STK32B: variants seen among roughly 807,000 people sequenced by gnomAD.
The protein encoded by STK32B is serine/threonine-protein kinase 32B.
Under a neutral mutation model 52.6 loss-of-function variants are expected in STK32B, and 43 were observed. The ratio of observed to expected loss-of-function variants is 0.82; its 90% confidence interval spans 0.64 to 1.05. The LOEUF is 1.05. Among genes scored for constraint, STK32B ranks in the 50% least tolerant of loss-of-function variants. The pLI is 0.00. For synonymous variants in STK32B, 238 were observed against 204.3 expected, an observed-to-expected ratio of 1.17 and a Z score of -1.41; for missense variants, 621 against 534.6, an observed-to-expected ratio of 1.16 and a Z score of -1.59.
upstream of STK32B, among the ~76,000 whole-genome samples, chr4:5,050,653 G>A (rs943713142): frequency 7.9e-5 from 12 of 152,138 alleles, no homozygotes; most frequent in Non-Finnish European, 4.4e-5. Context: ...CTGCAGTCCC[G>A]GAGAGCTGGG....
intron 3 of STK32B, among the ~76,000 whole-genome samples, chr4:5,286,053 C>G (rs1728521151): frequency 6.6e-6 from 1 of 151,964 alleles, no homozygotes. Context: ...CGGCCGTCTA[C>G]AAGCCAAGGA....
At chr4:5,080,983 A>G (rs1347192571) in intron 1 of STK32B, among the ~76,000 whole-genome samples, 1 of 152,130 alleles carries the variant, frequency 6.6e-6, no homozygotes, top group Non-Finnish European at 1.5e-5. Context: ...CTTGACTACA[A>G]TCCTACTGTC....
rs1021549634 is a variant in STK32B at position 5,177,171 on chromosome 4, T to C, written c.260+8721T>C. ...GGGTGATTTATAAAGGAAAGAAGTT[T>C]AATTGACTCACAGTTCTGCGTGGCT... On this transcript the variant is annotated intron_variant, in intron 3 of 11. Coordinates refer to ENST00000282908, the MANE Select transcript of STK32B (RefSeq NM_018401.3). Among the ~76,000 whole-genome samples, 12 of 152,208 alleles carry C rather than the reference T, an allele frequency of 7.9e-5. No individual in the cohort carries two copies. The East Asian group carries it at 1.9e-3, about 24-fold the overall frequency.
In STK32B at chr4:5,363,305, C is replaced by G. The variant is rs138554313; in HGVS notation, c.434+31912C>G. 1.3e-3 allele frequency among the ~76,000 whole-genome samples: 198 copies of G among 152,244 alleles called. 1 individual carries two copies. The highest frequency in any genetic ancestry group is 1.9e-3 in the Non-Finnish European group (126 of 68,016). Reference sequence around the variant, plus strand: ...TTTAATTTATGCACCTATTATTTCGCTTTGGCTATATTTTATGATTCCACT... The same window carrying G: ...TTTAATTTATGCACCTATTATTTCGGTTTGGCTATATTTTATGATTCCACT... On this transcript the variant is annotated intron_variant, in intron 4 of 11. Coordinates refer to ENST00000282908, the MANE Select transcript of STK32B (RefSeq NM_018401.3).
rs913232411 is a variant in STK32B, at chr4:5,172,293, C to G, written c.260+3843C>G. Reference sequence around the variant, plus strand: ...ACTTCCTCTTTTCCTAATTGAATACCCTTTATTTCCTTCTCCTGCCTGATT... The same window carrying G: ...ACTTCCTCTTTTCCTAATTGAATACGCTTTATTTCCTTCTCCTGCCTGATT... On this transcript the variant is annotated intron_variant, in intron 3 of 11. Coordinates refer to ENST00000282908, the MANE Select transcript of STK32B (RefSeq NM_018401.3). Among the ~76,000 whole-genome samples, 6 of 152,186 alleles carry G rather than the reference C, an allele frequency of 3.9e-5. No homozygotes were observed. The South Asian group carries it at 1.2e-3, about 32-fold the overall frequency.
chr4:5,056,611 T>C (rs990027513), intron 1 of STK32B, among the ~76,000 whole-genome samples: 8 of 152,320 alleles, frequency 5.3e-5, no homozygotes, highest in African/African-American at 1.7e-4. Flanking sequence ...TGTTGATAGC[T>C]CCAGAACTCT....
chr4:5,132,361 C>A (rs1715831266), intron 1 of STK32B, among the ~76,000 whole-genome samples: 1 of 152,096 alleles, frequency 6.6e-6, no homozygotes, highest in Non-Finnish European at 1.5e-5. Flanking sequence ...GGGAGAGGAT[C>A]AAAAAGCTAC....
chr4:5,026,979 A>G, the STK32B span, among the ~76,000 whole-genome samples: 2 of 152,220 alleles, frequency 1.3e-5, no homozygotes, highest in South Asian at 4.1e-4. Flanking sequence ...GCTTGCAAAG[A>G]GGCTACCTCT....
intron 3 of STK32B, among the ~76,000 whole-genome samples, chr4:5,236,189 A>T (rs1006501862): frequency 6.6e-6 from 1 of 152,130 alleles, no homozygotes. Flanking sequence ...ACTGAGCTCC[A>T]TGTGTCTCCC....
the STK32B span, among the ~76,000 whole-genome samples, chr4:5,039,835 T>C: frequency 6.6e-5 from 10 of 152,346 alleles, no homozygotes; most frequent in East Asian, 1.3e-3. Context: ...TTATTGTACA[T>C]GTGGTCCATT....
At chr4:5,140,018 T>A in intron 2 of STK32B, 58 bp downstream of exon 2, 1 of 1,598,944 alleles carries the variant, frequency 6.3e-7, no homozygotes, top group Non-Finnish European at 8.6e-7. Flanking sequence ...TTTGTGTGTC[T>A]GTGTGTTGGT....
At chr4:5,322,260 A>G (rs898774174) in intron 3 of STK32B, among the ~76,000 whole-genome samples, 3 of 152,172 alleles carry the variant, frequency 2.0e-5, no homozygotes, top group African/African-American at 7.2e-5. Context: ...TCCTCGTACA[A>G]TATGAGCTGT....
At chr4:5,308,592 T>C (rs940318564) in intron 3 of STK32B, among the ~76,000 whole-genome samples, 12 of 152,204 alleles carry the variant, frequency 7.9e-5, no homozygotes, top group African/African-American at 2.9e-4. Flanking sequence ...TAGTCACTCA[T>C]TCATATGTGC....
At chr4:5,141,222 A>G (rs1387754990) in intron 2 of STK32B, among the ~76,000 whole-genome samples, 1 of 152,238 alleles carries the variant, frequency 6.6e-6, no homozygotes, top group Non-Finnish European at 1.5e-5. Flanking sequence ...GCATTTCCAT[A>G]TCATAGATGG....
intron 3 of STK32B, among the ~76,000 whole-genome samples, chr4:5,213,772 T>C (rs1723033084): frequency 6.6e-6 from 1 of 152,186 alleles, no homozygotes; most frequent in Non-Finnish European, 1.5e-5. Flanking sequence ...CCCTTATTGA[T>C]TTATGGGGGG....
intron 1 of STK32B, among the ~76,000 whole-genome samples, chr4:5,092,267 C>T (rs983475486): frequency 6.6e-5 from 10 of 152,342 alleles, no homozygotes; most frequent in East Asian, 3.9e-4. Flanking sequence ...TGCAGTGGCT[C>T]GCGCCTGTAA....
intron 1 of STK32B, among the ~76,000 whole-genome samples, chr4:5,130,449 G>A (rs1023569857): frequency 2.6e-5 from 4 of 152,138 alleles, no homozygotes; most frequent in African/African-American, 7.2e-5. Context: ...AATCCAAACC[G>A]GGCTTGGGCT....
intron 2 of STK32B, among the ~76,000 whole-genome samples, chr4:5,161,480 A>C (rs962449014): frequency 1.2e-4 from 19 of 152,306 alleles, no homozygotes; most frequent in African/African-American, 4.6e-4. Flanking sequence ...CAGACATTAC[A>C]TCCGTGTTCA....
At chr4:5,351,439 A>G (rs1733816744) in intron 4 of STK32B, among the ~76,000 whole-genome samples, 1 of 152,082 alleles carries the variant, frequency 6.6e-6, no homozygotes, top group Non-Finnish European at 1.5e-5. Flanking sequence ...ACACATGCCA[A>G]AACGAATGGG....
Sources: allele counts gnomAD v4.1 joint callset (sites outside exome capture counted in the v4.1 genomes callset), GRCh38; gene constraint gnomAD v4.1.1; transcripts MANE v1.5; gene names NCBI Gene and HGNC (gene_info 2026-07-23, HGNC 2026-07-21).